Variants in IGF2BP2 observed in about 807,000 individuals in gnomAD.
The protein encoded by IGF2BP2 is insulin like growth factor 2 mRNA binding protein 2, also known as insulin-like growth factor 2 mRNA-binding protein 2.
In IGF2BP2, 17 loss-of-function variants were observed where a neutral mutation model predicts 75.8. The observed-to-expected ratio is 0.22, with a 90% CI of 0.15 to 0.34. The LOEUF (loss-of-function observed/expected upper bound fraction) is 0.34, where lower values mean the gene tolerates loss of function less well. IGF2BP2 is among the 10% of genes least tolerant of loss of function. IGF2BP2 has a pLI of 1.00. For synonymous variants in IGF2BP2, 288 were observed against 295.6 expected, an observed-to-expected ratio of 0.97 and a Z score of 0.26; for missense variants, 516 against 772.4, an observed-to-expected ratio of 0.67 and a Z score of 3.93.
chr3:185,823,701 C>T (rs920273822), intron 1 of IGF2BP2, among the ~76,000 whole-genome samples: 113 of 152,092 alleles, frequency 7.4e-4, no homozygotes, highest in East Asian at 2.5e-3. Context: ...CTGCCCGCTC[C>T]TGGGTGTCAC....
chr3:185,677,244 T>G (rs1192895541), intron 7 of IGF2BP2, among the ~76,000 whole-genome samples: 1 of 151,590 alleles, frequency 6.6e-6, no homozygotes, highest in East Asian at 1.9e-4. Flanking sequence ...AAAGACTGGA[T>G]TATGCATACA....
intron 13 of IGF2BP2, among the ~76,000 whole-genome samples, chr3:185,650,949 C>T (rs1287213811): frequency 1.3e-5 from 2 of 152,218 alleles, no homozygotes; most frequent in African/African-American, 4.8e-5. Context: ...TGCTCTGTCA[C>T]CCAGGCTAGA....
At chr3:185,769,057 C>A (rs1436263197) in intron 2 of IGF2BP2, among the ~76,000 whole-genome samples, 2 of 151,664 alleles carry the variant, frequency 1.3e-5, no homozygotes, top group East Asian at 3.9e-4. Flanking sequence ...AAAGGTTGAA[C>A]CTGGGCGGGG....
intron 5 of IGF2BP2, among the ~76,000 whole-genome samples, chr3:185,690,121 T>TA (rs1721752049): frequency 6.6e-6 from 1 of 152,202 alleles, no homozygotes; most frequent in Non-Finnish European, 1.5e-5. Context: ...GGTTAACAGT[T>TA]AAACAAGTAA....
chr3:185,730,191 C>T (rs2149510433), intron 2 of IGF2BP2, among the ~76,000 whole-genome samples: 1 of 152,236 alleles, frequency 6.6e-6, no homozygotes, highest in Middle Eastern at 3.4e-3. Context: ...GTAGCCACTG[C>T]TTAGCTCCCA....
At chr3:185,683,060 G>A (rs1720619271) in intron 7 of IGF2BP2, among the ~76,000 whole-genome samples, 1 of 152,152 alleles carries the variant, frequency 6.6e-6, no homozygotes, top group Non-Finnish European at 1.5e-5. Flanking sequence ...ATCACCAGAT[G>A]AACAGATAAA....
intron 11 of IGF2BP2, among the ~76,000 whole-genome samples, 197 bp downstream of exon 11, chr3:185,658,144 A>G (rs1360019652): frequency 6.6e-6 from 1 of 152,206 alleles, no homozygotes; most frequent in Non-Finnish European, 1.5e-5. Context: ...GCAACGGCCT[A>G]GGCCTCTGCA....
intron 2 of IGF2BP2, among the ~76,000 whole-genome samples, chr3:185,808,100 C>T (rs1269436777): frequency 6.9e-6 from 1 of 144,942 alleles, no homozygotes; most frequent in African/African-American, 2.6e-5. Context: ...GACAAGATGC[C>T]AAGACCTCGT....
At chr3:185,672,270 G>A (rs967212989) in intron 10 of IGF2BP2, among the ~76,000 whole-genome samples, 4 of 152,172 alleles carry the variant, frequency 2.6e-5, no homozygotes, top group African/African-American at 9.6e-5. Flanking sequence ...TAATAAATTA[G>A]CTTCTAGTTG....
chr3:185,762,525 T>C (rs1413140181), intron 2 of IGF2BP2, among the ~76,000 whole-genome samples: 5 of 138,566 alleles, frequency 3.6e-5, no homozygotes, highest in East Asian at 2.1e-4. Flanking sequence ...AGAGGGAAGC[T>C]CGGTCTCAAA....
At chr3:185,725,457 C>G (rs1375898068) in intron 2 of IGF2BP2, among the ~76,000 whole-genome samples, 1 of 152,042 alleles carries the variant, frequency 6.6e-6, no homozygotes, top group Non-Finnish European at 1.5e-5. Context: ...TTAAAGGTCA[C>G]AAATTAGATG....
chr3:185,651,955 C>T (rs1714675124), intron 13 of IGF2BP2, 139 bp downstream of exon 13: 1 of 568,494 alleles, frequency 1.8e-6, no homozygotes. Flanking sequence ...CCAGGGATGA[C>T]AGGGTGAGCC....
At chr3:185,675,649 A>AT (rs1038020477) in intron 8 of IGF2BP2, 142 bp downstream of exon 8, 1 of 1,202,402 alleles carries the variant, frequency 8.3e-7, no homozygotes, top group African/African-American at 1.5e-5. Context: ...GTATTTATGT[A>AT]TTTTTTTAAA....
chr3:185,758,369 C>T (rs1022913036), intron 2 of IGF2BP2, among the ~76,000 whole-genome samples: 1 of 152,160 alleles, frequency 6.6e-6, no homozygotes, highest in East Asian at 1.9e-4. Flanking sequence ...ACTAAGAAAA[C>T]CTGGGTCTGA....
intron 2 of IGF2BP2, among the ~76,000 whole-genome samples, chr3:185,815,193 A>G (rs1411054780): frequency 3.9e-5 from 6 of 152,194 alleles, no homozygotes; most frequent in Non-Finnish European, 8.8e-5. Flanking sequence ...TGCTTCTACT[A>G]TAGGACTACT....
At chr3:185,757,042 C>T (rs1399038271) in intron 2 of IGF2BP2, among the ~76,000 whole-genome samples, 1 of 152,102 alleles carries the variant, frequency 6.6e-6, no homozygotes, top group Non-Finnish European at 1.5e-5. Context: ...ACTCACGATA[C>T]TCCATGGTTC....
At chr3:185,820,791 G>A (rs1458478525) in intron 2 of IGF2BP2, among the ~76,000 whole-genome samples, 2 of 152,058 alleles carry the variant, frequency 1.3e-5, no homozygotes, top group African/African-American at 4.8e-5. Context: ...ACAATACAAA[G>A]AAAATGCACT....
chr3:185,740,838 C>T (rs962004882), intron 2 of IGF2BP2, among the ~76,000 whole-genome samples: 2 of 152,176 alleles, frequency 1.3e-5, no homozygotes, highest in Admixed American at 6.6e-5. Context: ...AGAGTAGCTG[C>T]AAGTTGAGGA....
intron 2 of IGF2BP2, among the ~76,000 whole-genome samples, chr3:185,751,479 G>A (rs1245445763): frequency 1.3e-5 from 2 of 151,848 alleles, no homozygotes; most frequent in Non-Finnish European, 2.9e-5. Flanking sequence ...TCAGGAGGCT[G>A]AGGCAGGAGA....
Sources: allele counts gnomAD v4.1 joint callset (sites outside exome capture counted in the v4.1 genomes callset), GRCh38; gene constraint gnomAD v4.1.1; transcripts MANE v1.5; gene names NCBI Gene and HGNC (gene_info 2026-07-23, HGNC 2026-07-21).